The following PTPRD variants were observed in gnomAD, a reference collection of about 807,000 sequenced individuals.
PTPRD encodes receptor-type tyrosine-protein phosphatase delta.
Under a neutral mutation model 214.5 loss-of-function variants are expected in PTPRD, and 34 were observed. The ratio of observed to expected loss-of-function variants is 0.16; its 90% CI spans 0.12 to 0.21. The LOEUF (loss-of-function observed/expected upper bound fraction) is 0.21. Ranked by LOEUF, PTPRD falls within the 10% of genes least tolerant of loss-of-function variation. PTPRD has a pLI of 1.00. For missense variants in PTPRD, 2,545 were observed against 2,398.7 expected (o/e 1.06, Z -1.27); for synonymous variants, 1,128 against 845.7 (o/e 1.33, Z -5.79).
chr9:9,085,691 A>C (rs1164184165), intron 10 of PTPRD, among the ~76,000 whole-genome samples: 1 of 151,824 alleles, frequency 6.6e-6, no homozygotes. Flanking sequence ...TTTTCTGCTT[A>C]ATTGTCGGTT....
At chr9:9,595,514 A>G (rs561865718) in intron 7 of PTPRD, among the ~76,000 whole-genome samples, 26 of 147,062 alleles carry the variant, frequency 1.8e-4, no homozygotes, top group African/African-American at 6.2e-4. Flanking sequence ...ACACATATGC[A>G]TACATATATA....
At chr9:8,349,351 C>A (rs1435163659) in intron 39 of PTPRD, among the ~76,000 whole-genome samples, 1 of 152,146 alleles carries the variant, frequency 6.6e-6, no homozygotes. Flanking sequence ...CCCACAGCAG[C>A]ATATATTTAT....
intron 32 of PTPRD, among the ~76,000 whole-genome samples, chr9:8,462,362 T>C (rs2096435812): frequency 6.6e-6 from 1 of 152,104 alleles, no homozygotes; most frequent in Middle Eastern, 3.4e-3. Context: ...GGCCCTTACT[T>C]ATGTGCTCCT....
At chr9:10,138,522 A>G (rs2098958852) in intron 3 of PTPRD, among the ~76,000 whole-genome samples, 1 of 152,118 alleles carries the variant, frequency 6.6e-6, no homozygotes. Flanking sequence ...TACTGAAACC[A>G]TTCAAAAAAA....
chr9:10,314,229 A>G (rs984159956), intron 3 of PTPRD, among the ~76,000 whole-genome samples: 2 of 151,906 alleles, frequency 1.3e-5, no homozygotes, highest in Non-Finnish European at 2.9e-5. Context: ...GGAAGTGTGA[A>G]GAACAGATTG....
At chr9:10,283,301 G>A (rs898088215) in intron 3 of PTPRD, among the ~76,000 whole-genome samples, 16 of 152,096 alleles carry the variant, frequency 1.1e-4, no homozygotes, top group African/African-American at 3.9e-4. Context: ...TGAATTCAGT[G>A]TTAGGTTTAT....
intron 11 of PTPRD, among the ~76,000 whole-genome samples, chr9:8,771,205 T>C (rs1010007904): frequency 6.7e-6 from 1 of 149,920 alleles, no homozygotes; most frequent in Non-Finnish European, 1.5e-5. Flanking sequence ...TAGTAGTCTT[T>C]ATTCTTTATT....
intron 2 of PTPRD, among the ~76,000 whole-genome samples, chr9:10,441,049 A>G (rs1316675849): frequency 6.6e-6 from 1 of 151,732 alleles, no homozygotes; most frequent in Non-Finnish European, 1.5e-5. Flanking sequence ...TCAAATTTCT[A>G]AAGCTATAAC....
chr9:8,813,660 A>ACCGCGCC (rs1480330279), intron 11 of PTPRD, among the ~76,000 whole-genome samples: 1 of 152,198 alleles, frequency 6.6e-6, no homozygotes, highest in Non-Finnish European at 1.5e-5. Context: ...GGTACGAGCC[A>ACCGCGCC]CCGCGCCGGG....
chr9:10,017,273 T>C (rs548812868), intron 4 of PTPRD, among the ~76,000 whole-genome samples: 6 of 152,106 alleles, frequency 3.9e-5, no homozygotes, highest in African/African-American at 7.2e-5. Flanking sequence ...TTTGTCCATT[T>C]CTTTGTCCAT....
intron 12 of PTPRD, among the ~76,000 whole-genome samples, chr9:8,709,356 A>G (rs2098277903): frequency 6.6e-6 from 1 of 152,058 alleles, no homozygotes. Flanking sequence ...CTACTAAAAA[A>G]TACAAAAAAT....
At chr9:9,048,800 A>G (rs1369571903) in intron 10 of PTPRD, among the ~76,000 whole-genome samples, 1 of 152,134 alleles carries the variant, frequency 6.6e-6, no homozygotes, top group Non-Finnish European at 1.5e-5. Context: ...TTTAAAAATA[A>G]CTTAAGGAGT....
intron 11 of PTPRD, among the ~76,000 whole-genome samples, chr9:8,796,196 G>A (rs945836525): frequency 3.3e-5 from 5 of 152,108 alleles, no homozygotes; most frequent in Non-Finnish European, 7.3e-5. Flanking sequence ...TATAGATGAA[G>A]GGATAATTAG....
intron 8 of PTPRD, among the ~76,000 whole-genome samples, chr9:9,447,922 A>G (rs1010168150): frequency 5.3e-5 from 8 of 152,068 alleles, no homozygotes; most frequent in African/African-American, 1.7e-4. Flanking sequence ...GTGATGAAAG[A>G]TCAAGGAGAT....
At chr9:9,400,046 T>A (rs1400950654) in intron 8 of PTPRD, among the ~76,000 whole-genome samples, 1 of 150,460 alleles carries the variant, frequency 6.6e-6, no homozygotes, top group Non-Finnish European at 1.5e-5. Flanking sequence ...CTATATTATT[T>A]TGACTTTCTT....
intron 12 of PTPRD, among the ~76,000 whole-genome samples, chr9:8,661,761 T>C (rs2097059298): frequency 6.6e-6 from 1 of 152,220 alleles, no homozygotes; most frequent in Admixed American, 6.5e-5. Flanking sequence ...CTCCAACCAT[T>C]GACACTTATT....
chr9:9,577,628 T>A (rs2089335373), intron 7 of PTPRD, among the ~76,000 whole-genome samples: 1 of 152,100 alleles, frequency 6.6e-6, no homozygotes. Context: ...TAAATAACTA[T>A]TTTCAGAGGA....
intron 32 of PTPRD, 132 bp downstream of exon 32, chr9:8,465,334 C>T (rs1446142848): frequency 3.9e-6 from 3 of 766,326 alleles, no homozygotes; most frequent in Non-Finnish European, 6.3e-6. Context: ...AGTAGGCAGC[C>T]TGTTATTACA....
chr9:10,574,813 C>CATATATATATATAT (rs143887636), intron 2 of PTPRD, among the ~76,000 whole-genome samples: 18 of 136,348 alleles, frequency 1.3e-4, no homozygotes, highest in African/African-American at 4.6e-4. Context: ...TATGTGTGTG[C>CATATATATATATAT]ATATATATAT....
Sources: gnomAD v4.1 joint callset for allele counts (sites outside exome capture counted in the v4.1 genomes callset) on GRCh38, gnomAD v4.1.1 for gene constraint, MANE v1.5 for transcripts, NCBI Gene and HGNC (gene_info 2026-07-23, HGNC 2026-07-21) for gene names.